The following CNGB3 variants were observed in gnomAD, a reference collection of about 807,000 sequenced individuals.
The protein encoded by CNGB3 is cyclic nucleotide-gated channel beta-3.
Under a neutral mutation model 92.8 loss-of-function variants are expected in CNGB3, and 86 were observed. That is an observed-to-expected ratio of 0.93 (90% CI 0.78 to 1.11). The LOEUF (loss-of-function observed/expected upper bound fraction) is 1.11. Ranked by LOEUF, CNGB3 falls within the 50% of genes least tolerant of loss-of-function variation. The pLI is 0.00. For missense variants in CNGB3, 1,026 were observed against 956.8 expected, an observed-to-expected ratio of 1.07 and a Z score of -0.95; for synonymous variants, 333 against 332.7, an observed-to-expected ratio of 1.00 and a Z score of -0.01.
chr8:86,586,978 C>T (rs1821909081), intron 15 of CNGB3, among the ~76,000 whole-genome samples: 1 of 142,224 alleles, frequency 7.0e-6, no homozygotes, highest in Non-Finnish European at 1.5e-5. Context: ...TCCTATTTCT[C>T]CACATCCTCT....
chr8:86,659,724 G>A lies in CNGB3; in HGVS notation c.853-5662C>T, dbSNP rs569087970. 2.2e-4 allele frequency: 81 copies of A among 371,794 alleles called. 3 individuals are homozygous for A. Among genetic ancestry groups the A allele is most frequent in the African/African-American group, 1.5e-3 (71 of 46,820 alleles). The allele number at this position is 371,794 out of a possible 1,614,324, so 23.0% of individuals were successfully genotyped here. A position where few individuals can be genotyped will look rare whatever the true frequency, so the allele number is the denominator to read the frequency against. On this transcript the variant is annotated intron_variant, in intron 6 of 17. Coordinates refer to ENST00000320005, the MANE Select transcript of CNGB3 (RefSeq NM_019098.5). ...GAGCTGTCCATAACTCTGCCTTCTCGGACATGAGGATCCCTATGGTCTGAA... is the reference window on the plus strand; with the variant it reads ...GAGCTGTCCATAACTCTGCCTTCTCAGACATGAGGATCCCTATGGTCTGAA...
chr8:86,589,567 T>C (rs527391915), intron 15 of CNGB3, among the ~76,000 whole-genome samples: 2,696 of 152,184 alleles, frequency 0.018, 74 homozygotes, highest in African/African-American at 0.062. Context: ...TCAAAGAACA[T>C]CTTTATTTCT....
intron 3 of CNGB3, among the ~76,000 whole-genome samples, chr8:86,719,433 G>T (rs1192704498): frequency 6.6e-6 from 1 of 151,920 alleles, no homozygotes; most frequent in South Asian, 2.1e-4. Context: ...GCTGCAAAAA[G>T]TAAAATAAAA....
chr8:86,627,749 C>G (rs374621254), intron 12 of CNGB3, among the ~76,000 whole-genome samples: 17 of 152,304 alleles, frequency 1.1e-4, no homozygotes, highest in African/African-American at 3.6e-4. Context: ...CTCATGGAAG[C>G]AATTGTGTGC....
chr8:86,599,874 T>G (rs1325167464), intron 15 of CNGB3, among the ~76,000 whole-genome samples: 1 of 152,208 alleles, frequency 6.6e-6, no homozygotes, highest in Non-Finnish European at 1.5e-5. Flanking sequence ...TGGCTTGTGA[T>G]ATTCTATTAC....
chr8:86,626,476 A>G (rs1437042760), intron 12 of CNGB3, among the ~76,000 whole-genome samples: 1 of 152,166 alleles, frequency 6.6e-6, no homozygotes, highest in Non-Finnish European at 1.5e-5. Flanking sequence ...GCAAATAATA[A>G]TGAGCACCAT....
intron 15 of CNGB3, among the ~76,000 whole-genome samples, chr8:86,579,706 G>C (rs1262170739): frequency 6.6e-6 from 1 of 152,148 alleles, no homozygotes; most frequent in Non-Finnish European, 1.5e-5. Flanking sequence ...GAAGAGAGTG[G>C]GATCAGAGCA....
At chr8:86,599,189 C>T (rs1822238358) in intron 15 of CNGB3, among the ~76,000 whole-genome samples, 1 of 152,210 alleles carries the variant, frequency 6.6e-6, no homozygotes, top group South Asian at 2.1e-4. Flanking sequence ...CCTGTCTCTA[C>T]TGCAGTCTCT....
At chr8:86,618,912 C>A (rs180696731) in intron 13 of CNGB3, among the ~76,000 whole-genome samples, 6 of 152,336 alleles carry the variant, frequency 3.9e-5, no homozygotes, top group African/African-American at 1.2e-4. Context: ...CTGTCACTCA[C>A]ACACAAAACA....
chr8:86,653,876 G>T, intron 7 of CNGB3, 136 bp downstream of exon 7: 1 of 694,872 alleles, frequency 1.4e-6, no homozygotes. Flanking sequence ...ATTATTGAGA[G>T]GCAGAAACTT....
At position 86,632,845 on chromosome 8, in the gene CNGB3, A is replaced by G. The variant is rs755463578; in HGVS notation, c.1227T>C (p.Gly409=). Reference sequence around the variant, plus strand: ...ATAAAGTTTGTGGTTCTGGAAGGCCACCAATGGTAATTAAAGTTCGAACTG... The same window carrying G: ...ATAAAGTTTGTGGTTCTGGAAGGCCGCCAATGGTAATTAAAGTTCGAACTG... ...YWAVRTLITI[G]GLPEPQTLFE... The change falls in exon 11 of 18, where the codon GGT becomes GGC. Residue 409 remains glycine (G), a synonymous_variant. Transcript: ENST00000320005. 2.5e-6 allele frequency: 4 copies of G among 1,612,750 alleles called. No individual in the cohort carries two copies. In the South Asian group the frequency reaches 3.3e-5, roughly 13 times the overall value.
chr8:86,574,592 T>A lies in CNGB3; in HGVS notation c.*1212A>T, dbSNP rs1381266151. The A allele has an allele frequency of 2.0e-5, 3 of 152,222 alleles. No individual in the cohort carries two copies. The highest frequency in any genetic ancestry group is 7.2e-5 in the African/African-American group (3 of 41,468). The allele number at this position is 152,222 out of a possible 1,614,324, so 9.4% of individuals were successfully genotyped here. A position where few individuals can be genotyped will look rare whatever the true frequency, so the allele number is the denominator to read the frequency against. ...TAGGCTTTTTGGCTAATATGATTTGTTAAAACCCTCTCAGCAAAGTGCTGT... is the reference window on the plus strand; with the variant it reads ...TAGGCTTTTTGGCTAATATGATTTGATAAAACCCTCTCAGCAAAGTGCTGT... On this transcript the variant is annotated 3_prime_UTR_variant, in exon 18 of 18. Transcript: ENST00000320005.
chr8:86,586,238 T>A (rs1330365372), intron 15 of CNGB3, among the ~76,000 whole-genome samples: 6 of 152,218 alleles, frequency 3.9e-5, no homozygotes, highest in African/African-American at 1.4e-4. Flanking sequence ...GTTTGTAATC[T>A]AGGCATGGGG....
chr8:86,664,697 C>T (rs1469951078), intron 6 of CNGB3, among the ~76,000 whole-genome samples: 1 of 152,124 alleles, frequency 6.6e-6, no homozygotes, highest in Non-Finnish European at 1.5e-5. Flanking sequence ...AAGGGCACTG[C>T]ATTTGATCAT....
At chr8:86,589,706 G>A (rs1198040952) in intron 15 of CNGB3, among the ~76,000 whole-genome samples, 1 of 152,114 alleles carries the variant, frequency 6.6e-6, no homozygotes, top group African/African-American at 2.4e-5. Flanking sequence ...CTGAGAGATA[G>A]TTTGTTATAA....
chr8:86,733,090 C>T lies in CNGB3; in HGVS notation c.212-6433G>A, dbSNP rs1690655047. Among the ~76,000 whole-genome samples, 6 of 151,936 alleles carry T rather than the reference C, an allele frequency of 3.9e-5. No homozygotes were observed. The South Asian group carries it at 1.2e-3, about 32-fold the overall frequency. On this transcript the variant is annotated intron_variant, in intron 2 of 17. Coordinates refer to ENST00000320005, the MANE Select transcript of CNGB3 (RefSeq NM_019098.5). ...AAATAGTTAGTTTTTCAACTCTTCCCCCCACCTTCCTCCCTCTAGTAGCCT... is the reference window on the plus strand; with the variant it reads ...AAATAGTTAGTTTTTCAACTCTTCCTCCCACCTTCCTCCCTCTAGTAGCCT...
chr8:86,620,980 G>T (rs910598217), intron 13 of CNGB3, among the ~76,000 whole-genome samples: 1 of 152,056 alleles, frequency 6.6e-6, no homozygotes, highest in Non-Finnish European at 1.5e-5. Context: ...TAACAGAAAT[G>T]TCAGGAAAGA....
chr8:86,686,653 C>A (rs967033111), intron 3 of CNGB3, among the ~76,000 whole-genome samples: 3 of 151,756 alleles, frequency 2.0e-5, no homozygotes, highest in Non-Finnish European at 2.9e-5. Flanking sequence ...GGGTGTTCTG[C>A]ATTGATAAGA....
chr8:86,614,899 A>G (rs923259295), intron 13 of CNGB3, among the ~76,000 whole-genome samples: 24 of 152,120 alleles, frequency 1.6e-4, no homozygotes, highest in Non-Finnish European at 3.5e-4. Context: ...CCCAAGACCA[A>G]ATGAGAGGAA....
Sources: gnomAD v4.1 joint callset for allele counts (sites outside exome capture counted in the v4.1 genomes callset) on GRCh38, gnomAD v4.1.1 for gene constraint, MANE v1.5 for transcripts, NCBI Gene and HGNC (gene_info 2026-07-23, HGNC 2026-07-21) for gene names.